Variants in DPYD observed in about 807,000 individuals in gnomAD.
The protein encoded by DPYD is dihydropyrimidine dehydrogenase.
Under a neutral mutation model 116.2 loss-of-function variants are expected in DPYD, and 109 were observed. The observed-to-expected ratio is 0.94, with a 90% confidence interval of 0.80 to 1.10. DPYD has a LOEUF of 1.10. Ranked by LOEUF, DPYD falls within the 50% of genes least tolerant of loss-of-function variation. The pLI is 0.00. For synonymous variants in DPYD, 440 were observed against 432.0 expected, an observed-to-expected ratio of 1.02 and a Z score of -0.23; for missense variants, 1,302 against 1,254.5, an observed-to-expected ratio of 1.04 and a Z score of -0.57.
chr1:97,755,910 T>A (rs1327915211), intron 3 of DPYD, among the ~76,000 whole-genome samples: 1 of 152,172 alleles, frequency 6.6e-6, no homozygotes, highest in Non-Finnish European at 1.5e-5. Flanking sequence ...CTAGGAACAA[T>A]GCAGAATACA....
At chr1:97,631,895 T>C (rs967955841) in intron 8 of DPYD, among the ~76,000 whole-genome samples, 1 of 152,056 alleles carries the variant, frequency 6.6e-6, no homozygotes, top group Non-Finnish European at 1.5e-5. Context: ...TTATAGTTTT[T>C]AAAAATGATT....
chr1:97,117,948 T>G (rs1399094222), intron 20 of DPYD, among the ~76,000 whole-genome samples: 1 of 152,150 alleles, frequency 6.6e-6, no homozygotes, highest in East Asian at 1.9e-4. Flanking sequence ...ATTACTCCTC[T>G]CTCTAGATTT....
At chr1:97,904,575 C>T (rs899956035) in intron 1 of DPYD, among the ~76,000 whole-genome samples, 1 of 151,968 alleles carries the variant, frequency 6.6e-6, no homozygotes, top group Non-Finnish European at 1.5e-5. Context: ...AGCAACAGTA[C>T]CAGAGGAATT....
intron 16 of DPYD, among the ~76,000 whole-genome samples, chr1:97,364,318 C>G (rs1570598815): frequency 1.3e-5 from 2 of 152,086 alleles, no homozygotes; most frequent in East Asian, 3.9e-4. Flanking sequence ...ATCATGAACA[C>G]ATACTAAGGT....
rs142148197 is a variant in DPYD, at chr1:97,719,821, C to T, written c.483+1689G>A. On this transcript the variant is annotated intron_variant, in intron 5 of 22. Coordinates refer to ENST00000370192, the MANE Select transcript of DPYD (RefSeq NM_000110.4). ...GATATTGAAATTACAATTATACAAACTATAATTGGAATGAAATAAGCAGAT... is the reference window on the plus strand; with the variant it reads ...GATATTGAAATTACAATTATACAAATTATAATTGGAATGAAATAAGCAGAT... 1.5e-3 allele frequency: 1,441 copies of T among 982,502 alleles called. 1 individual carries two copies. The highest frequency in any genetic ancestry group is 1.6e-3 in the Non-Finnish European group (1,301 of 827,402). The allele number at this position is 982,502 out of a possible 1,614,324, so 60.9% of individuals were successfully genotyped here. A position where few individuals can be genotyped will look rare whatever the true frequency, so the allele number is the denominator to read the frequency against.
At chr1:97,832,809 A>G (rs1180606294) in intron 2 of DPYD, among the ~76,000 whole-genome samples, 1 of 152,178 alleles carries the variant, frequency 6.6e-6, no homozygotes, top group African/African-American at 2.4e-5. Context: ...AGGATTCTAT[A>G]AAAGTATAAT....
At chr1:97,870,698 G>A (rs765025674) in intron 2 of DPYD, among the ~76,000 whole-genome samples, 2 of 151,758 alleles carry the variant, frequency 1.3e-5, no homozygotes, top group Non-Finnish European at 2.9e-5. Flanking sequence ...CTTTATTTAA[G>A]GAAATCAGTT....
At chr1:97,438,022 A>C (rs1053674627) in intron 14 of DPYD, among the ~76,000 whole-genome samples, 3 of 152,002 alleles carry the variant, frequency 2.0e-5, no homozygotes, top group African/African-American at 7.2e-5. Flanking sequence ...TCTTTGTCAA[A>C]AATCAGTTGT....
intron 2 of DPYD, among the ~76,000 whole-genome samples, chr1:97,843,357 T>C (rs183198552): frequency 1.3e-5 from 2 of 152,304 alleles, no homozygotes; most frequent in Admixed American, 6.5e-5. Flanking sequence ...CATTCAGATT[T>C]AGTAGAAGAG....
chr1:97,373,025 T>C (rs1273238745), intron 16 of DPYD, among the ~76,000 whole-genome samples: 1 of 152,244 alleles, frequency 6.6e-6, no homozygotes, highest in African/African-American at 2.4e-5. Context: ...ATTTTGTTCA[T>C]TAGGCTTTTG....
At chr1:97,730,956 G>T (rs1399039526) in intron 4 of DPYD, among the ~76,000 whole-genome samples, 1 of 151,896 alleles carries the variant, frequency 6.6e-6, no homozygotes, top group African/African-American at 2.4e-5. Flanking sequence ...GCAAGCAAAT[G>T]AGAATCTTTA....
At chr1:97,433,250 T>A (rs1481244062) in intron 14 of DPYD, among the ~76,000 whole-genome samples, 1 of 152,158 alleles carries the variant, frequency 6.6e-6, no homozygotes, top group Non-Finnish European at 1.5e-5. Flanking sequence ...CTTGGCTGCC[T>A]TGGCTTTACA....
chr1:97,596,218 C>A (rs1227027461), intron 8 of DPYD, among the ~76,000 whole-genome samples: 2 of 151,856 alleles, frequency 1.3e-5, no homozygotes, highest in Non-Finnish European at 2.9e-5. Flanking sequence ...CTTAAATGAA[C>A]CTGCAGGATT....
At chr1:97,827,660 A>G (rs920020041) in intron 3 of DPYD, among the ~76,000 whole-genome samples, 5 of 152,056 alleles carry the variant, frequency 3.3e-5, no homozygotes, top group African/African-American at 1.2e-4. Context: ...TAAAAATGTA[A>G]ATCACTAAAA....
intron 13 of DPYD, among the ~76,000 whole-genome samples, chr1:97,514,903 C>T (rs575474163): frequency 1.1e-4 from 16 of 151,872 alleles, no homozygotes; most frequent in Admixed American, 5.9e-4. Flanking sequence ...TTTTCTTTGC[C>T]TAAGGATAAA....
chr1:97,808,574 T>C (rs1289193401), intron 3 of DPYD, among the ~76,000 whole-genome samples: 3 of 152,194 alleles, frequency 2.0e-5, no homozygotes, highest in African/African-American at 7.2e-5. Flanking sequence ...TGTGGACAAA[T>C]GTAGTTTCAT....
In DPYD at chr1:97,595,114, C is replaced by A. The variant is rs751049055; in HGVS notation, c.903G>T (p.Gln301His). The A allele has an allele frequency of 3.1e-6, 5 of 1,613,728 alleles. No individual in the cohort carries two copies. Among genetic ancestry groups the A allele is most frequent in the Non-Finnish European group, 4.2e-6 (5 of 1,179,716 alleles). The change falls in exon 9 of 23, where the codon CAG becomes CAT. Residue 301 changes from glutamine (Q) to histidine (H), a missense_variant. Transcript: ENST00000370192. ...DAIFQGLTQD[Q>H]GFYTSKDFLP... The stretch of plus-strand genomic sequence containing the variant: ...AAAAGTCTTTGGATGTATAAAACCC[C>A]TGGTCCTGCGTCAGGCCTTGGAAGA...
chr1:97,564,834 A>T (rs976887971), intron 11 of DPYD, among the ~76,000 whole-genome samples: 1 of 152,094 alleles, frequency 6.6e-6, no homozygotes, highest in African/African-American at 2.4e-5. Flanking sequence ...TTAATCCTTT[A>T]ACTTGTCTTT....
intron 1 of DPYD, among the ~76,000 whole-genome samples, chr1:97,898,882 C>G (rs1183224568): frequency 6.6e-6 from 1 of 151,946 alleles, no homozygotes; most frequent in African/African-American, 2.4e-5. Flanking sequence ...TGCCTTCCAA[C>G]ATGATTGTGA....
Sources: gnomAD v4.1 joint callset for allele counts (sites outside exome capture counted in the v4.1 genomes callset) on GRCh38, gnomAD v4.1.1 for gene constraint, MANE v1.5 for transcripts, NCBI Gene and HGNC (gene_info 2026-07-23, HGNC 2026-07-21) for gene names.